Variants in ARL17B observed in about 807,000 individuals in gnomAD.
ARL17B encodes the protein ADP-ribosylation factor-like protein 17.
chr17:46,284,379 A>G (rs1402780340), intron 4 of ARL17B, among the ~76,000 whole-genome samples: 1 of 152,244 alleles, frequency 6.6e-6, no homozygotes, highest in Admixed American at 6.5e-5. Context: ...AACAAAGCAC[A>G]TCTTGCACAG....
In ARL17B at chr17:46,322,212, AT is replaced by A. The variant is rs1245027067; in HGVS notation, c.260-22548del. 2.2e-5 allele frequency: 8 copies of A among 368,728 alleles called. 2 individuals carry two copies. The highest frequency in any genetic ancestry group is 1.9e-4 in the African/African-American group (7 of 36,720). The allele number at this position is 368,728 out of a possible 1,614,324, so 22.8% of individuals were successfully genotyped here. A position where few individuals can be genotyped will look rare whatever the true frequency, so the allele number is the denominator to read the frequency against. ...GATTTCTTAGGTAAAGACAGGAAAC[AT>A]TTTTTTCTTTTTTACCTACAAGTTC... On this transcript the variant is annotated intron_variant, in intron 3 of 4. Coordinates refer to the ARL17B transcript ENST00000434041.
chr17:46,290,819 A>G (rs990523836), intron 4 of ARL17B, among the ~76,000 whole-genome samples: 1 of 152,260 alleles, frequency 6.6e-6, no homozygotes, highest in Non-Finnish European at 1.5e-5. Context: ...AAAAACAAAC[A>G]AAAAACCCAC....
chr17:46,279,122 G>A (rs1370118913), intron 4 of ARL17B, among the ~76,000 whole-genome samples: 3 of 151,674 alleles, frequency 2.0e-5, no homozygotes, highest in African/African-American at 4.9e-5. Context: ...ACATTATTAC[G>A]ACAATGTAAA....
Position 46,324,757 on chromosome 17 carries a change from T to C in ARL17B, c.260-25092A>G, listed in dbSNP as rs2051634530. On this transcript the variant is annotated intron_variant, in intron 3 of 4. Transcript: ENST00000434041. Reference sequence around the variant, plus strand: ...AGGGAACCTGAGTCAGGAGGATCACTTGAACCCAGGAAGTGGAGGTTGCAG... The same window carrying C: ...AGGGAACCTGAGTCAGGAGGATCACCTGAACCCAGGAAGTGGAGGTTGCAG... Among the ~76,000 whole-genome samples, 2 of 74,632 alleles carry C rather than the reference T, an allele frequency of 2.7e-5. 1 individual carries two copies. Among genetic ancestry groups the C allele is most frequent in the African/African-American group, 6.7e-5 (2 of 29,638 alleles). The allele number at this position is 74,632 out of a possible 152,430, so 49.0% of individuals were successfully genotyped here.
intron 3 of ARL17B, among the ~76,000 whole-genome samples, chr17:46,321,538 C>G (rs1207697356): frequency 2.7e-5 from 1 of 37,340 alleles, no homozygotes; most frequent in Non-Finnish European, 4.6e-5. Flanking sequence ...TCTTCTTTGG[C>G]TATAAAGCAA....
intron 4 of ARL17B, among the ~76,000 whole-genome samples, chr17:46,283,394 C>T (rs111362882): frequency 0.057 from 7,438 of 131,322 alleles, no homozygotes; most frequent in Middle Eastern, 0.096. Context: ...ATCTTATGGG[C>T]CTATAATGAA....
chr17:46,283,380 G>C (rs2049821820), intron 4 of ARL17B, among the ~76,000 whole-genome samples: 1 of 152,142 alleles, frequency 6.6e-6, no homozygotes, highest in South Asian at 2.1e-4. Context: ...GGAAAGGCTG[G>C]GCCATCTTAT....
chr17:46,288,858 C>A (rs1397816235), intron 4 of ARL17B, among the ~76,000 whole-genome samples: 1 of 152,036 alleles, frequency 6.6e-6, no homozygotes, highest in Non-Finnish European at 1.5e-5. Flanking sequence ...CACGTGCCAC[C>A]AAGCTCAGCT....
chr17:46,283,175 A>T (rs1415239013), intron 4 of ARL17B, among the ~76,000 whole-genome samples: 1 of 152,230 alleles, frequency 6.6e-6, no homozygotes, highest in Non-Finnish European at 1.5e-5. Context: ...GATACTATCA[A>T]TTTACCCTCC....
At chr17:46,276,040 G>A (rs1051265677) in intron 4 of ARL17B, among the ~76,000 whole-genome samples, 3 of 152,178 alleles carry the variant, frequency 2.0e-5, no homozygotes, top group African/African-American at 7.2e-5. Context: ...ACAGGTGCCT[G>A]CCACCACACC....
intron 4 of ARL17B, among the ~76,000 whole-genome samples, chr17:46,291,985 A>AAAAAAAAAAAAAAAAAAAAAAAAC (rs1360524355): frequency 2.6e-5 from 2 of 76,588 alleles, no homozygotes; most frequent in Non-Finnish European, 2.8e-5. Context: ...AAAAAAAAAA[A>AAAAAAAAAAAAAAAAAAAAAAAAC]AAGCCAATAA....
chr17:46,281,775 CTGGGATTACAGG>C (rs2049769321), intron 4 of ARL17B, among the ~76,000 whole-genome samples: 1 of 152,000 alleles, frequency 6.6e-6, no homozygotes, highest in South Asian at 2.1e-4. Context: ...ACCTGAGTAG[CTGGGATTACAGG>C]TGTGCATCAC....
intron 4 of ARL17B, among the ~76,000 whole-genome samples, chr17:46,286,478 C>T (rs1683679086): frequency 6.6e-6 from 1 of 152,300 alleles, no homozygotes; most frequent in South Asian, 2.1e-4. Flanking sequence ...TATAATAAAG[C>T]ACCATTTCAA....
At chr17:46,316,526 C>G (rs1302628216) in intron 3 of ARL17B, among the ~76,000 whole-genome samples, 1 of 57,924 alleles carries the variant, frequency 1.7e-5, no homozygotes, top group Non-Finnish European at 4.9e-5. Context: ...GCCTCCACCT[C>G]CCAGGCTTAA....
chr17:46,290,677 C>A (rs1412407295), intron 4 of ARL17B, among the ~76,000 whole-genome samples: 3 of 152,220 alleles, frequency 2.0e-5, no homozygotes, highest in Non-Finnish European at 2.9e-5. Context: ...GAACTCCTGA[C>A]CTCAAGTGAT....
chr17:46,307,805 G>T (rs2050619337), intron 3 of ARL17B, among the ~76,000 whole-genome samples: 1 of 78,836 alleles, frequency 1.3e-5, no homozygotes, highest in African/African-American at 3.2e-5. Context: ...CTGAGGTCAG[G>T]AGTTCAAGAC....
At chr17:46,277,449 C>A (rs1297766135) in intron 4 of ARL17B, among the ~76,000 whole-genome samples, 7 of 152,084 alleles carry the variant, frequency 4.6e-5, no homozygotes, top group Non-Finnish European at 7.3e-5. Context: ...AAGGCCTTTC[C>A]AATTTAAAAA....
intron 4 of ARL17B, among the ~76,000 whole-genome samples, chr17:46,290,643 C>T (rs1245934842): frequency 7.9e-5 from 12 of 151,700 alleles, no homozygotes; most frequent in East Asian, 2.0e-4. Flanking sequence ...GACGGGGTTT[C>T]GCCCTGTTAG....
intron 4 of ARL17B, among the ~76,000 whole-genome samples, chr17:46,282,889 C>T (rs867348602): frequency 0.042 from 5,491 of 129,690 alleles, 1 homozygote; most frequent in Middle Eastern, 0.081. Flanking sequence ...GAGGCCGAAG[C>T]GAGCGGATCA....
Sources: gnomAD v4.1 joint callset for allele counts (sites outside exome capture counted in the v4.1 genomes callset) on GRCh38, gnomAD v4.1.1 for gene constraint, MANE v1.5 for transcripts, NCBI Gene and HGNC (gene_info 2026-07-23, HGNC 2026-07-21) for gene names.